Variants in ARHGAP31 observed in about 807,000 individuals in gnomAD.
ARHGAP31 encodes rho GTPase-activating protein 31.
Under a neutral mutation model 113.9 loss-of-function variants are expected in ARHGAP31, and 34 were observed. That is an observed-to-expected ratio of 0.30 (90% CI 0.23 to 0.40). The LOEUF is 0.40. Ranked by LOEUF, ARHGAP31 falls within the 10% of genes least tolerant of loss-of-function variation. The pLI is 1.00. For synonymous variants in ARHGAP31, 650 were observed against 684.8 expected (o/e 0.95, Z 0.79); for missense variants, 1,548 against 1,767.1 (o/e 0.88, Z 2.22).
rs1217884727 is a variant in ARHGAP31 at position 119,414,735 on chromosome 3, G to A, written c.2806G>A (p.Gly936Ser). Reference sequence around the variant, plus strand: ...CAAGGCCCAGGTACAGGGCCTTCAGGGTCACCAGTTGGAGAAGAGGCTTTC... The same window carrying A: ...CAAGGCCCAGGTACAGGGCCTTCAGAGTCACCAGTTGGAGAAGAGGCTTTC... ...AHKAQVQGLQ[G>S]HQLEKRLSHR... The change falls in exon 12 of 12, where the codon GGT (glycine) becomes AGT (serine). Residue 936 changes from glycine to serine, a missense_variant. Physicochemically the swap from Gly to Ser is moderately conservative, Grantham distance 56. Transcript: ENST00000264245. 2 of 1,614,174 alleles carry A rather than the reference G, an allele frequency of 1.2e-6. No homozygotes were observed. Among genetic ancestry groups the A allele is most frequent in the Admixed American group, 1.7e-5 (1 of 60,026 alleles).
chr3:119,295,516 G>T (rs9828336), intron 1 of ARHGAP31, among the ~76,000 whole-genome samples: 3,518 of 151,522 alleles, frequency 0.023, 140 homozygotes, highest in African/African-American at 0.081. Context: ...CTGGCTGGGG[G>T]AGTGGTTGCA....
Position 119,402,396 on chromosome 3 carries a change from A to G in ARHGAP31, c.1644A>G (p.Ala548=). 3 of 1,612,442 alleles carry G rather than the reference A, an allele frequency of 1.9e-6. No homozygotes were observed. The highest frequency in any genetic ancestry group is 2.5e-6 in the Non-Finnish European group (3 of 1,179,298). ...AACCGCTGGGAGCTGAGACTTCTGC[A>G]GGTAAGTAGAGGAGAGAGGGTATCT... The part of the protein sequence containing the change: ...EEKPLGAETS[A]ASVPKKAGLE... The change falls in exon 10 of 12, where the codon GCA becomes GCG. Residue 548 remains alanine (A), a splice_region_variant and synonymous_variant. Transcript: ENST00000264245.
chr3:119,397,998 A>C (rs2080566864), intron 8 of ARHGAP31, among the ~76,000 whole-genome samples: 1 of 152,208 alleles, frequency 6.6e-6, no homozygotes, highest in Admixed American at 6.5e-5. Context: ...ACATGATAAA[A>C]CTGGAGTTTA....
At chr3:119,353,029 G>T (rs935617) in intron 1 of ARHGAP31, among the ~76,000 whole-genome samples, 46,088 of 152,070 alleles carry the variant, frequency 0.3, 8,060 homozygotes, top group African/African-American at 0.48. Flanking sequence ...TAGATGAGCG[G>T]TCTGCATGTA....
intron 1 of ARHGAP31, among the ~76,000 whole-genome samples, chr3:119,317,043 C>T (rs1277041701): frequency 2.0e-5 from 3 of 152,138 alleles, no homozygotes; most frequent in African/African-American, 2.4e-5. Flanking sequence ...TTTTGTTTTG[C>T]GTAAGACATT....
intron 1 of ARHGAP31, among the ~76,000 whole-genome samples, chr3:119,337,331 G>C (rs9835407): frequency 6.6e-6 from 1 of 151,880 alleles, no homozygotes; most frequent in South Asian, 2.1e-4. Context: ...AAGTTGGCGC[G>C]TCCAGAGTTG....
intron 1 of ARHGAP31, among the ~76,000 whole-genome samples, chr3:119,300,858 G>T (rs972863771): frequency 3.3e-5 from 5 of 150,260 alleles, no homozygotes; most frequent in African/African-American, 4.9e-5. Context: ...AAGAAAGAAA[G>T]AAAGAAAGAA....
In ARHGAP31 at chr3:119,416,475, CTA is replaced by C; in HGVS notation, c.*213_*214del. The C allele has an allele frequency of 1.5e-6, 1 of 667,572 alleles. No homozygotes were observed. Among genetic ancestry groups the C allele is most frequent in the Middle Eastern group, 4.3e-4 (1 of 2,348 alleles). 41.4% of individuals were successfully genotyped at this position (667,572 alleles called of 1,614,324 possible). ...AACGAGAGATGAAATTTAGTTAAGT[CTA>C]TGTGAGCAAGTGAGAGAAGGTTAGG... On this transcript the variant is annotated 3_prime_UTR_variant, in exon 12 of 12. Coordinates refer to ENST00000264245, the MANE Select transcript of ARHGAP31 (RefSeq NM_020754.4).
intron 1 of ARHGAP31, among the ~76,000 whole-genome samples, chr3:119,327,256 A>G (rs960376688): frequency 5.3e-5 from 8 of 152,204 alleles, no homozygotes; most frequent in Admixed American, 6.5e-5. Context: ...TTAAATTGCA[A>G]CGTCAGCCGG....
chr3:119,372,866 C>A (rs148822409), intron 3 of ARHGAP31, among the ~76,000 whole-genome samples: 1 of 152,182 alleles, frequency 6.6e-6, no homozygotes, highest in Non-Finnish European at 1.5e-5. Context: ...AGATGTAGTT[C>A]TGTCTCATAA....
chr3:119,305,124 C>T (rs7622994), intron 1 of ARHGAP31, among the ~76,000 whole-genome samples: 53,645 of 151,814 alleles, frequency 0.35, 11,761 homozygotes, highest in African/African-American at 0.62. Context: ...CAGGAAGCGG[C>T]AGAAGCAAGA....
intron 1 of ARHGAP31, among the ~76,000 whole-genome samples, chr3:119,354,401 A>G (rs1038540339): frequency 1.3e-5 from 2 of 152,230 alleles, no homozygotes; most frequent in Non-Finnish European, 2.9e-5. Flanking sequence ...AATTAAAAAT[A>G]GAGAAAAGCA....
intron 10 of ARHGAP31, among the ~76,000 whole-genome samples, chr3:119,407,761 G>T (rs904825519): frequency 6.6e-6 from 1 of 152,204 alleles, no homozygotes; most frequent in Non-Finnish European, 1.5e-5. Context: ...GGGAGGACCA[G>T]AGCAGAAGAG....
intron 1 of ARHGAP31, chr3:119,322,686 G>A (rs1428580719): frequency 1.3e-5 from 2 of 152,628 alleles, no homozygotes; most frequent in Non-Finnish European, 2.9e-5. Flanking sequence ...GAGGGACGGC[G>A]GGGAAGGGGG....
intron 3 of ARHGAP31, 71 bp downstream of exon 3, chr3:119,368,587 A>G: frequency 6.4e-7 from 1 of 1,565,258 alleles, no homozygotes; most frequent in Non-Finnish European, 8.8e-7. Context: ...TTTCAGCACT[A>G]AAATAACAAT....
rs531922957 is a variant in ARHGAP31, at chr3:119,318,660, T to TA, written c.100+23657dup. On this transcript the variant is annotated intron_variant, in intron 1 of 11. Coordinates refer to ENST00000264245, the MANE Select transcript of ARHGAP31 (RefSeq NM_020754.4). ...TCACAACTAATATACTTACTTACTTTACCTAGACTTTCTCTCTATGACAGC... is the reference window on the plus strand; with the variant it reads ...TCACAACTAATATACTTACTTACTTTAACCTAGACTTTCTCTCTATGACAGC... Among the ~76,000 whole-genome samples, 12 of 152,346 alleles carry TA rather than the reference T, an allele frequency of 7.9e-5. No individual in the cohort carries two copies. In the South Asian group the frequency reaches 2.3e-3, roughly 29 times the overall value.
chr3:119,390,935 C>CA lies in ARHGAP31; in HGVS notation c.833_834insA (p.Pro279SerfsTer11), dbSNP rs1405689980. The CA allele has an allele frequency of 4.3e-6, 7 of 1,614,208 alleles. No homozygotes were observed. The highest frequency in any genetic ancestry group is 4.2e-6 in the Non-Finnish European group (5 of 1,180,042). ...GAGAACAGCCTGCCTGAGATTGTCC[C>CA]TCCCATGGGCACCCTCTTCCACACT... On this transcript the variant is annotated frameshift_variant, in exon 7 of 12. Transcript: ENST00000264245. LOFTEE classifies it high-confidence loss of function.
intron 1 of ARHGAP31, among the ~76,000 whole-genome samples, chr3:119,295,907 G>T (rs909037180): frequency 6.6e-6 from 1 of 152,148 alleles, no homozygotes; most frequent in African/African-American, 2.4e-5. Flanking sequence ...AGCATTAAAT[G>T]ACTCCTTTTG....
rs1170072220 is a variant in ARHGAP31 at position 119,414,906 on chromosome 3, A to C, written c.2977A>C (p.Arg993=). Reference sequence around the variant, plus strand: ...TGACCCTCTTCAGCCCCAGGCACCCAGGAGAGAGATTACTGGATGGGATGA... The same window carrying C: ...TGACCCTCTTCAGCCCCAGGCACCCCGGAGAGAGATTACTGGATGGGATGA... ...NSDPLQPQAP[R]REITGWDEKA... The change falls in exon 12 of 12, where the codon AGG becomes CGG. Residue 993 remains arginine (R), a synonymous_variant. Coordinates refer to ENST00000264245, the MANE Select transcript of ARHGAP31 (RefSeq NM_020754.4). The C allele has an allele frequency of 2.5e-6, 4 of 1,614,046 alleles. No individual in the cohort carries two copies. The highest frequency in any genetic ancestry group is 3.4e-6 in the Non-Finnish European group (4 of 1,180,006).
Sources: allele counts gnomAD v4.1 joint callset (sites outside exome capture counted in the v4.1 genomes callset), GRCh38; gene constraint gnomAD v4.1.1; transcripts MANE v1.5; gene names NCBI Gene and HGNC (gene_info 2026-07-23, HGNC 2026-07-21).